Variants in STC1 observed in about 807,000 individuals in gnomAD.
STC1 encodes the protein stanniocalcin 1.
Under a neutral mutation model 22.6 loss-of-function variants are expected in STC1, and 7 were observed. The observed-to-expected ratio is 0.31, with a 90% CI of 0.18 to 0.58. STC1 has a LOEUF of 0.58. STC1 is among the 20% of genes least tolerant of loss of function. STC1 has a pLI of 0.89. For missense variants in STC1, 224 were observed against 311.0 expected (o/e 0.72, Z 2.10); for synonymous variants, 113 against 120.7 (o/e 0.94, Z 0.42).
chr8:23,842,556 G>A lies in STC1; in HGVS notation c.*2214C>T, dbSNP rs937624239. On this transcript the variant is annotated 3_prime_UTR_variant, in exon 4 of 4. Transcript: ENST00000290271. ...ACTGAAGAAAGAGAGAAATTTGCTA[G>A]GAATACTCATGAACTACTTGTCGCA... 1 of 151,284 alleles carries A rather than the reference G, an allele frequency of 6.6e-6. No individual in the cohort carries two copies. The highest frequency in any genetic ancestry group is 2.4e-5 in the African/African-American group (1 of 41,008). 9.4% of individuals were successfully genotyped at this position (151,284 alleles called of 1,614,324 possible).
chr8:23,854,782 C>A lies in STC1; in HGVS notation c.-259G>T. On this transcript the variant is annotated 5_prime_UTR_variant, in exon 1 of 4. Coordinates refer to ENST00000290271, the MANE Select transcript of STC1 (RefSeq NM_003155.3). ...GCTGCTGCTGCTGCAGTCGCTGCTT[C>A]TTGCACCTCTGGCTTTTGCAAACTG... 1.7e-6 allele frequency: 1 copy of A among 577,162 alleles called. No homozygotes were observed. The highest frequency in any genetic ancestry group is 2.4e-5 in the Admixed American group (1 of 41,400). 35.8% of individuals were successfully genotyped at this position (577,162 alleles called of 1,614,324 possible). A position where few individuals can be genotyped will look rare whatever the true frequency, so the allele number is the denominator to read the frequency against.
Position 23,842,803 on chromosome 8 carries a change from T to C in STC1, c.*1967A>G, listed in dbSNP as rs1802529413. 1 of 152,924 alleles carries C rather than the reference T, an allele frequency of 6.5e-6. No homozygotes were observed. The highest frequency in any genetic ancestry group is 6.5e-5 in the Admixed American group (1 of 15,270). 9.5% of individuals were successfully genotyped at this position (152,924 alleles called of 1,614,324 possible). A position where few individuals can be genotyped will look rare whatever the true frequency, so the allele number is the denominator to read the frequency against. On this transcript the variant is annotated 3_prime_UTR_variant, in exon 4 of 4. Coordinates refer to ENST00000290271, the MANE Select transcript of STC1 (RefSeq NM_003155.3). ...ACAGTTCTGAGTATAAAAATGCCCT[T>C]AACAATCTGATGTCAGCACGCTTAG...
At chr8:23,850,934 T>TTA (rs1554520474) in intron 3 of STC1, among the ~76,000 whole-genome samples, 2 of 149,904 alleles carry the variant, frequency 1.3e-5, no homozygotes, top group African/African-American at 2.5e-5. Context: ...TTTTTTTTTT[T>TTA]AATCATGGCC....
chr8:23,846,996 G>T (rs1419725787), intron 3 of STC1, among the ~76,000 whole-genome samples: 1 of 152,208 alleles, frequency 6.6e-6, no homozygotes, highest in Non-Finnish European at 1.5e-5. Flanking sequence ...ATTTCAGAGG[G>T]TGATTAGATC....
At chr8:23,854,025 A>C in intron 1 of STC1, 1 of 1,039,640 alleles carries the variant, frequency 9.6e-7, no homozygotes, top group East Asian at 7.4e-5. Flanking sequence ...GAGGGACAGC[A>C]TCAAACAAGC....
At chr8:23,847,521 A>G (rs1802586965) in intron 3 of STC1, among the ~76,000 whole-genome samples, 1 of 152,240 alleles carries the variant, frequency 6.6e-6, no homozygotes. Context: ...AATATAAAAC[A>G]AAGTCCATGT....
Position 23,851,369 on chromosome 8 carries a change from G to C in STC1, c.424C>G (p.Pro142Ala), listed in dbSNP as rs749093838. 1.2e-6 allele frequency: 2 copies of C among 1,614,084 alleles called. No individual in the cohort carries two copies. Among genetic ancestry groups the C allele is most frequent in the Non-Finnish European group, 8.5e-7 (1 of 1,180,034 alleles). The change falls in exon 3 of 4, where the codon CCT (proline) becomes GCT (alanine). Residue 142 changes from proline (P) to alanine (A), a missense_variant. Transcript: ENST00000290271. ...LNVCSIAKRN[P>A]EAITEVVQLP... ...TGGACGACCTCAGTGATGGCTTCAGGGTTCCGCTTGGCGATGCTGCACACA... is the reference window on the plus strand; with the variant it reads ...TGGACGACCTCAGTGATGGCTTCAGCGTTCCGCTTGGCGATGCTGCACACA...
chr8:23,849,800 T>A (rs1245448128), intron 3 of STC1, among the ~76,000 whole-genome samples: 1 of 151,882 alleles, frequency 6.6e-6, no homozygotes, highest in Non-Finnish European at 1.5e-5. Context: ...AAACACATAC[T>A]TTGTCCTTAG....
In STC1 at chr8:23,844,428, T is replaced by C. The variant is rs1389558201; in HGVS notation, c.*342A>G. ...GGCAACCGTTCTAAAGGGATCCACA[T>C]CTTCAAATTACAATGGCTGGAGAGT... On this transcript the variant is annotated 3_prime_UTR_variant, in exon 4 of 4. Transcript: ENST00000290271. 2 of 322,768 alleles carry C rather than the reference T, an allele frequency of 6.2e-6. No individual in the cohort carries two copies. Among genetic ancestry groups the C allele is most frequent in the Non-Finnish European group, 1.2e-5 (2 of 171,360 alleles). 20.0% of individuals were successfully genotyped at this position (322,768 alleles called of 1,614,324 possible).
chr8:23,851,264 C>T (rs1462679607), intron 3 of STC1, 56 bp downstream of exon 3: 2 of 1,577,454 alleles, frequency 1.3e-6, no homozygotes, highest in Non-Finnish European at 1.7e-6. Flanking sequence ...CTGGCTCTGC[C>T]AGCCAGCCAC....
chr8:23,852,768 C>T (rs1042728803), intron 1 of STC1, among the ~76,000 whole-genome samples: 1 of 152,118 alleles, frequency 6.6e-6, no homozygotes, highest in African/African-American at 2.4e-5. Context: ...GAGACAGTGG[C>T]TAGTGGTCAG....
At chr8:23,854,051 A>G in intron 1 of STC1, 2 of 1,076,004 alleles carry the variant, frequency 1.9e-6, no homozygotes, top group Non-Finnish European at 2.3e-6. Flanking sequence ...CTTACCTTAG[A>G]TCAGCTTCTG....
In STC1 at chr8:23,850,640, G is replaced by A. The variant is rs138288010; in HGVS notation, c.473+680C>T. On this transcript the variant is annotated intron_variant, in intron 3 of 3. Coordinates refer to ENST00000290271, the MANE Select transcript of STC1 (RefSeq NM_003155.3). The stretch of plus-strand genomic sequence containing the variant: ...TACTAGCTCAGTGGCCTTGGGTGGT[G>A]TTTGAATACTAAGATGAGAATGGGA... Among the ~76,000 whole-genome samples the A allele has an allele frequency of 4.1e-3, 627 of 152,270 alleles. 7 individuals carry two copies. Among genetic ancestry groups the A allele is most frequent in the African/African-American group, 0.015 (613 of 41,552 alleles).
chr8:23,851,908 C>T (rs879494686), intron 2 of STC1, among the ~76,000 whole-genome samples: 9 of 152,238 alleles, frequency 5.9e-5, no homozygotes, highest in Non-Finnish European at 8.8e-5. Flanking sequence ...GCTCTATGCA[C>T]GTTTTTATGT....
intron 1 of STC1, among the ~76,000 whole-genome samples, chr8:23,853,308 A>G (rs985962208): frequency 6.9e-6 from 1 of 145,254 alleles, no homozygotes; most frequent in Non-Finnish European, 1.5e-5. Flanking sequence ...ACCCCCTCCC[A>G]CCACCCGCAG....
At chr8:23,854,286 G>T in intron 1 of STC1, 120 bp downstream of exon 1, 1 of 1,024,020 alleles carries the variant, frequency 9.8e-7, no homozygotes, top group Non-Finnish European at 1.5e-6. Context: ...GCAGTTTATT[G>T]CCATCAGGCA....
At chr8:23,845,108 C>A in intron 3 of STC1, 68 bp from the exon 4 acceptor site, 1 of 1,551,374 alleles carries the variant, frequency 6.4e-7, no homozygotes, top group Non-Finnish European at 8.8e-7. Flanking sequence ...AGGCTTTCAC[C>A]CGGGCTCTAG....
Position 23,843,554 on chromosome 8 carries a change from C to T in STC1, c.*1216G>A, listed in dbSNP as rs779077617. ...CATCATTTGCCAGAGTACCAGGCACCGATGAAAGGGGACGAGTAAAGAACT... is the reference window on the plus strand; with the variant it reads ...CATCATTTGCCAGAGTACCAGGCACTGATGAAAGGGGACGAGTAAAGAACT... On this transcript the variant is annotated 3_prime_UTR_variant, in exon 4 of 4. Transcript: ENST00000290271. 3 of 152,538 alleles carry T rather than the reference C, an allele frequency of 2.0e-5. No homozygotes were observed. Among genetic ancestry groups the T allele is most frequent in the African/African-American group, 4.8e-5 (2 of 41,408 alleles). The allele number at this position is 152,538 out of a possible 1,614,324, so 9.4% of individuals were successfully genotyped here.
rs539670910 is a variant in STC1 at position 23,854,011 on chromosome 8, G to A, written c.118+395C>T. On this transcript the variant is annotated intron_variant, in intron 1 of 3. Transcript: ENST00000290271. ...GAAGAGGTAGAGTCTTAAGAGGAAA[G>A]GAAGAGGGACAGCATCAAACAAGCC... is the stretch of plus-strand genomic sequence containing the variant. 42 of 1,025,098 alleles carry A rather than the reference G, an allele frequency of 4.1e-5. No individual in the cohort carries two copies. The African/African-American group carries it at 7.0e-4, about 17-fold the overall frequency. The allele number at this position is 1,025,098 out of a possible 1,614,324, so 63.5% of individuals were successfully genotyped here. A position where few individuals can be genotyped will look rare whatever the true frequency, so the allele number is the denominator to read the frequency against.
Sources: gnomAD v4.1 joint callset for allele counts (sites outside exome capture counted in the v4.1 genomes callset) on GRCh38, gnomAD v4.1.1 for gene constraint, MANE v1.5 for transcripts, NCBI Gene and HGNC (gene_info 2026-07-23, HGNC 2026-07-21) for gene names.